The following ATP6V0D2 variants were observed in gnomAD, a reference collection of about 807,000 sequenced individuals.
ATP6V0D2 encodes ATPase H+ transporting V0 subunit d2.
Under a neutral mutation model 40.0 loss-of-function variants are expected in ATP6V0D2, and 40 were observed. The ratio of observed to expected loss-of-function variants is 1.00; its 90% CI spans 0.78 to 1.30. The LOEUF is 1.30. Ranked by LOEUF, ATP6V0D2 falls within the 50% of genes most tolerant of loss-of-function variation. ATP6V0D2 has a pLI of 0.00. For synonymous variants in ATP6V0D2, 179 were observed against 156.3 expected, an observed-to-expected ratio of 1.15 and a Z score of -1.08; for missense variants, 470 against 423.1, an observed-to-expected ratio of 1.11 and a Z score of -0.97.
intron 1 of ATP6V0D2, among the ~76,000 whole-genome samples, chr8:86,103,515 G>C (rs1187623695): frequency 6.6e-6 from 1 of 152,032 alleles, no homozygotes; most frequent in Non-Finnish European, 1.5e-5. Flanking sequence ...GTGCCCCCCT[G>C]TCAAGGGGCT....
intron 1 of ATP6V0D2, among the ~76,000 whole-genome samples, chr8:86,106,315 C>A (rs1818470444): frequency 6.6e-6 from 1 of 151,882 alleles, no homozygotes; most frequent in Non-Finnish European, 1.5e-5. Context: ...TTGTCATTTG[C>A]AAAGACAAGG....
chr8:86,128,080 A>G (rs1818770525), intron 2 of ATP6V0D2, among the ~76,000 whole-genome samples: 1 of 152,122 alleles, frequency 6.6e-6, no homozygotes, highest in African/African-American at 2.4e-5. Flanking sequence ...CTCTAAAAAA[A>G]TAAAATAAAG....
At chr8:86,149,968 C>G in intron 5 of ATP6V0D2, 144 bp from the exon 6 acceptor site, 1 of 732,120 alleles carries the variant, frequency 1.4e-6, no homozygotes. Flanking sequence ...TAAGGGAACA[C>G]TAATAACACA....
chr8:86,118,085 C>CTTTTTTTTTTTT (rs1222811419), intron 2 of ATP6V0D2, among the ~76,000 whole-genome samples: 3 of 27,622 alleles, frequency 1.1e-4, no homozygotes, highest in East Asian at 2.2e-3. Flanking sequence ...TTCTTTCTTT[C>CTTTTTTTTTTTT]TTTTTTTTTT....
At chr8:86,130,890 C>G (rs2130259803) in intron 2 of ATP6V0D2, among the ~76,000 whole-genome samples, 1 of 152,200 alleles carries the variant, frequency 6.6e-6, no homozygotes, top group Admixed American at 6.5e-5. Flanking sequence ...ATTCTGTTCT[C>G]AAGGTCTGGG....
chr8:86,111,548 G>A (rs1378021443), intron 1 of ATP6V0D2, among the ~76,000 whole-genome samples: 1 of 152,142 alleles, frequency 6.6e-6, no homozygotes, highest in Non-Finnish European at 1.5e-5. Context: ...AATGAATGTA[G>A]GAGTACAGAT....
At chr8:86,143,313 G>A (rs1401258912) in intron 5 of ATP6V0D2, among the ~76,000 whole-genome samples, 1 of 152,206 alleles carries the variant, frequency 6.6e-6, no homozygotes, top group East Asian at 1.9e-4. Context: ...CAGACCCCAA[G>A]AGAGGGTTCT....
rs1230488220 is a variant in ATP6V0D2 at position 86,119,426 on chromosome 8, G to A, written c.302+5546G>A. On this transcript the variant is annotated intron_variant, in intron 2 of 7. Transcript: ENST00000285393. The stretch of plus-strand genomic sequence containing the variant: ...GTGTTTTTAGTAGAGATGAGGTTTC[G>A]CCATGTTAGCCTGGCTGGTCTCAAA... Among the ~76,000 whole-genome samples, 6 of 151,644 alleles carry A rather than the reference G, an allele frequency of 4.0e-5. No homozygotes were observed. The East Asian group carries it at 1.2e-3, about 29-fold the overall frequency.
At chr8:86,115,473 A>G (rs1321424679) in intron 2 of ATP6V0D2, among the ~76,000 whole-genome samples, 2 of 142,362 alleles carry the variant, frequency 1.4e-5, no homozygotes, top group African/African-American at 2.7e-5. Context: ...GGTTCAAGAG[A>G]TTTTCCTGCC....
intron 2 of ATP6V0D2, among the ~76,000 whole-genome samples, chr8:86,114,210 C>T (rs1818565538): frequency 6.6e-6 from 1 of 152,014 alleles, no homozygotes; most frequent in African/African-American, 2.4e-5. Flanking sequence ...ATTCTTGGAT[C>T]ACTTTTCAGG....
In ATP6V0D2 at chr8:86,152,849, T is replaced by G; in HGVS notation, c.925T>G (p.Phe309Val). The G allele has an allele frequency of 6.2e-7, 1 of 1,608,806 alleles. No homozygotes were observed. Among genetic ancestry groups the G allele is most frequent in the Non-Finnish European group, 8.5e-7 (1 of 1,178,566 alleles). ...QMNVLAFNRQ[F>V]HYGVFYAYVK... Reference sequence around the variant, plus strand: ...GAATGTGCTGGCATTCAACAGACAGTTCCACTACGGTGTGTTTTATGCATA... The same window carrying G: ...GAATGTGCTGGCATTCAACAGACAGGTCCACTACGGTGTGTTTTATGCATA... The change falls in exon 8 of 8, where the codon TTC becomes GTC. Residue 309 changes from phenylalanine (F) to valine (V), a missense_variant. Physicochemically the swap from Phe to Val is conservative, Grantham distance 50. Transcript: ENST00000285393.
chr8:86,119,470 C>G (rs1280316021), intron 2 of ATP6V0D2, among the ~76,000 whole-genome samples: 6 of 152,098 alleles, frequency 3.9e-5, no homozygotes, highest in African/African-American at 1.2e-4. Flanking sequence ...CTCAAGTGAT[C>G]TACCCACCTC....
At chr8:86,152,781 G>A (rs1819174819) in intron 7 of ATP6V0D2, 35 bp from the exon 8 acceptor site, 1 of 1,566,592 alleles carries the variant, frequency 6.4e-7, no homozygotes, top group African/African-American at 1.4e-5. Context: ...TTCCAAATAA[G>A]TTGATGATCT....
intron 1 of ATP6V0D2, among the ~76,000 whole-genome samples, chr8:86,113,328 A>G (rs1026394604): frequency 6.6e-6 from 1 of 152,020 alleles, no homozygotes; most frequent in Admixed American, 6.6e-5. Flanking sequence ...AAAAAAATAC[A>G]AAAATTAGCC....
At chr8:86,101,577 G>A (rs1234913582) in intron 1 of ATP6V0D2, among the ~76,000 whole-genome samples, 6 of 151,620 alleles carry the variant, frequency 4.0e-5, no homozygotes, top group African/African-American at 1.2e-4. Context: ...AAGACTTGTC[G>A]AGGGAAGGGG....
intron 2 of ATP6V0D2, among the ~76,000 whole-genome samples, chr8:86,115,184 T>C (rs914679267): frequency 5.3e-5 from 8 of 151,866 alleles, no homozygotes; most frequent in African/African-American, 1.5e-4. Context: ...CCTGGAAAAA[T>C]AGAGGGCAGA....
intron 2 of ATP6V0D2, among the ~76,000 whole-genome samples, chr8:86,135,182 A>G (rs1167950711): frequency 6.6e-6 from 1 of 152,220 alleles, no homozygotes; most frequent in East Asian, 1.9e-4. Flanking sequence ...ATTGCTAATG[A>G]CACTGAAGTA....
intron 5 of ATP6V0D2, among the ~76,000 whole-genome samples, chr8:86,144,898 A>G (rs1320908027): frequency 1.3e-5 from 2 of 151,670 alleles, no homozygotes; most frequent in Non-Finnish European, 2.9e-5. Context: ...GCTCACACCT[A>G]TAATCCCAGC....
chr8:86,104,779 A>G (rs2130227149), intron 1 of ATP6V0D2, among the ~76,000 whole-genome samples: 1 of 151,782 alleles, frequency 6.6e-6, no homozygotes, highest in East Asian at 1.9e-4. Flanking sequence ...CATTATTTGT[A>G]CCTCTAATTA....
Sources: allele counts gnomAD v4.1 joint callset (sites outside exome capture counted in the v4.1 genomes callset), GRCh38; gene constraint gnomAD v4.1.1; transcripts MANE v1.5; gene names NCBI Gene and HGNC (gene_info 2026-07-23, HGNC 2026-07-21).